ARHGAP42: variants seen among roughly 807,000 people sequenced by gnomAD.
The protein encoded by ARHGAP42 is Rho GTPase activating protein 42, also known as rho GTPase-activating protein 42.
A neutral mutation model predicts 125.0 loss-of-function variants in ARHGAP42; 63 were observed. That is an observed-to-expected ratio of 0.50 (90% CI 0.41 to 0.62). ARHGAP42 has a LOEUF of 0.62. Ranked by LOEUF, ARHGAP42 falls within the 20% of genes least tolerant of loss-of-function variation. ARHGAP42 has a pLI of 0.00. For missense variants in ARHGAP42, 766 were observed against 1,024.2 expected (o/e 0.75, Z 3.44); for synonymous variants, 339 against 351.0 (o/e 0.97, Z 0.38).
chr11:100,692,295 A>C (rs1207256681), intron 1 of ARHGAP42, among the ~76,000 whole-genome samples: 1 of 152,216 alleles, frequency 6.6e-6, no homozygotes, highest in African/African-American at 2.4e-5. Context: ...ACAAGCATGG[A>C]ACTATAATTC....
At chr11:100,731,428 C>T (rs113343922) in intron 1 of ARHGAP42, among the ~76,000 whole-genome samples, 3,911 of 152,200 alleles carry the variant, frequency 0.026, 66 homozygotes, top group Non-Finnish European at 0.031. Context: ...GGATTACAGG[C>T]GTGAGCCACT....
At chr11:100,798,788 C>T (rs1227825634) in intron 3 of ARHGAP42, among the ~76,000 whole-genome samples, 1 of 152,098 alleles carries the variant, frequency 6.6e-6, no homozygotes, top group Non-Finnish European at 1.5e-5. Flanking sequence ...ATATAATACT[C>T]AGGTGTGGAC....
chr11:100,846,121 A>C (rs1242333035), intron 3 of ARHGAP42, among the ~76,000 whole-genome samples: 1 of 152,190 alleles, frequency 6.6e-6, no homozygotes, highest in Non-Finnish European at 1.5e-5. Flanking sequence ...ACCTTTTAGA[A>C]GTAGAAGTAA....
chr11:100,988,817 G>C lies in ARHGAP42; in HGVS notation c.*16G>C. On this transcript the variant is annotated 3_prime_UTR_variant, in exon 24 of 24. Transcript: ENST00000298815. ...CTTCCTCTAATACTATTTAGTGGAT[G>C]GCAGTATCTTCATGGTATCCATGGT... 1 of 1,501,604 alleles carries C rather than the reference G, an allele frequency of 6.7e-7. No individual in the cohort carries two copies. Among genetic ancestry groups the C allele is most frequent in the South Asian group, 1.2e-5 (1 of 82,438 alleles). The allele number at this position is 1,501,604 out of a possible 1,614,324, so 93.0% of individuals were successfully genotyped here. A position where few individuals can be genotyped will look rare whatever the true frequency, so the allele number is the denominator to read the frequency against.
chr11:100,916,451 T>G (rs1160771483), intron 5 of ARHGAP42, among the ~76,000 whole-genome samples: 1 of 152,112 alleles, frequency 6.6e-6, no homozygotes, highest in East Asian at 1.9e-4. Flanking sequence ...AAAAATGGGC[T>G]AAGAAGGCAA....
intron 1 of ARHGAP42, among the ~76,000 whole-genome samples, chr11:100,728,790 A>G (rs968022025): frequency 7.1e-6 from 1 of 140,536 alleles, no homozygotes; most frequent in Non-Finnish European, 1.5e-5. Context: ...TTTTTTTGAG[A>G]TGGAGTCTCA....
chr11:100,941,613 CTCTACCCTAT>C (rs66897134), intron 8 of ARHGAP42, among the ~76,000 whole-genome samples, 161 bp from the exon 9 acceptor site: 1 of 2,304 alleles, frequency 4.3e-4, no homozygotes, highest in African/African-American at 2.1e-3. Flanking sequence ...TTCTAAGACA[CTCTACCCTAT>C]ACCGCTGTCC....
intron 3 of ARHGAP42, among the ~76,000 whole-genome samples, chr11:100,819,102 T>C (rs1307277934): frequency 6.6e-6 from 1 of 152,172 alleles, no homozygotes; most frequent in Non-Finnish European, 1.5e-5. Flanking sequence ...GACTGGATTG[T>C]CACTCCCTAA....
chr11:100,712,679 G>T (rs1317868425), intron 1 of ARHGAP42, among the ~76,000 whole-genome samples: 3 of 152,182 alleles, frequency 2.0e-5, no homozygotes, highest in African/African-American at 7.2e-5. Flanking sequence ...GCGTGTGTTT[G>T]TGTGAGGGTG....
At chr11:100,832,250 T>C (rs1363472896) in intron 3 of ARHGAP42, among the ~76,000 whole-genome samples, 4 of 152,188 alleles carry the variant, frequency 2.6e-5, no homozygotes, top group South Asian at 4.1e-4. Context: ...TCTGCAGAAC[T>C]GAACGAGGAT....
intron 1 of ARHGAP42, among the ~76,000 whole-genome samples, chr11:100,714,388 T>TG (rs1476386194): frequency 3.6e-5 from 3 of 83,836 alleles, no homozygotes; most frequent in African/African-American, 1.9e-4. Context: ...AACATAAAAA[T>TG]TTGTGTGTGT....
At chr11:100,734,185 G>A (rs993587924) in intron 1 of ARHGAP42, among the ~76,000 whole-genome samples, 8 of 151,264 alleles carry the variant, frequency 5.3e-5, no homozygotes, top group Non-Finnish European at 1.0e-4. Context: ...CGCCCACCTC[G>A]GCCTCCCAAA....
rs547753451 is a variant in ARHGAP42, at chr11:100,866,974, A to G, written c.384+7349A>G. Among the ~76,000 whole-genome samples, 3 of 152,312 alleles carry G rather than the reference A, an allele frequency of 2.0e-5. No individual in the cohort carries two copies. The South Asian group carries it at 6.2e-4, about 32-fold the overall frequency. ...ACATATCCATCAGGGTGATCAGGTA[A>G]ATTGGCAATGAGTAGTACTATATTT... On this transcript the variant is annotated intron_variant, in intron 4 of 23. Transcript: ENST00000298815.
At chr11:100,875,107 C>CTCTCTCTGTG (rs1384655603) in intron 4 of ARHGAP42, among the ~76,000 whole-genome samples, 3 of 82,280 alleles carry the variant, frequency 3.6e-5, no homozygotes, top group Non-Finnish European at 4.8e-5. Flanking sequence ...CTCTCTCTCT[C>CTCTCTCTGTG]TGTGTGTGTG....
Position 100,796,984 on chromosome 11 carries a change from G to C in ARHGAP42, c.312+1818G>C, listed in dbSNP as rs143933379. On this transcript the variant is annotated intron_variant, in intron 3 of 23. Coordinates refer to ENST00000298815, the MANE Select transcript of ARHGAP42 (RefSeq NM_152432.4). The stretch of plus-strand genomic sequence containing the variant: ...GGATTTCACCATGTTGGTCAGGCTG[G>C]TCTTGAACTCCTGACCTCGTGATCA... 3.4e-3 allele frequency among the ~76,000 whole-genome samples: 520 copies of C among 152,146 alleles called. 2 individuals are homozygous for C. The highest frequency in any genetic ancestry group is 0.012 in the African/African-American group (503 of 41,508).
In ARHGAP42 at chr11:100,969,597, T is replaced by C. The variant is rs1858186772; in HGVS notation, c.1551-3578T>C. 2.0e-5 allele frequency among the ~76,000 whole-genome samples: 3 copies of C among 152,200 alleles called. No homozygotes were observed. In the South Asian group the frequency reaches 6.2e-4, roughly 31 times the overall value. On this transcript the variant is annotated intron_variant, in intron 17 of 23. Coordinates refer to ENST00000298815, the MANE Select transcript of ARHGAP42 (RefSeq NM_152432.4). The stretch of plus-strand genomic sequence containing the variant: ...GCATAGTCTCTATTGATACTTTTCA[T>C]TTCAGCTATTGTGCTTTTCAACTTC...
intron 4 of ARHGAP42, among the ~76,000 whole-genome samples, chr11:100,870,702 CTG>C (rs1440743944): frequency 6.6e-6 from 1 of 152,152 alleles, no homozygotes; most frequent in Non-Finnish European, 1.5e-5. Flanking sequence ...ATTGGAAACA[CTG>C]TATTTCACAC....
At chr11:100,812,467 C>G (rs973881053) in intron 3 of ARHGAP42, among the ~76,000 whole-genome samples, 2 of 152,058 alleles carry the variant, frequency 1.3e-5, no homozygotes, top group Admixed American at 6.5e-5. Context: ...AGAAGAAAGT[C>G]AAAATGTATT....
intron 2 of ARHGAP42, among the ~76,000 whole-genome samples, chr11:100,774,856 G>A (rs1863079817): frequency 6.6e-6 from 1 of 152,114 alleles, no homozygotes; most frequent in Non-Finnish European, 1.5e-5. Context: ...CACCCTTTTG[G>A]CCTGTGCTTG....
Sources: allele counts gnomAD v4.1 joint callset (sites outside exome capture counted in the v4.1 genomes callset), GRCh38; gene constraint gnomAD v4.1.1; transcripts MANE v1.5; gene names NCBI Gene and HGNC (gene_info 2026-07-23, HGNC 2026-07-21).